The following RGMA variants were observed in gnomAD, a reference collection of about 807,000 sequenced individuals.
The protein encoded by RGMA is repulsive guidance molecule A.
RGMA carries 10 observed loss-of-function variants against 23.2 expected under a neutral mutation model. That is an observed-to-expected ratio of 0.43 (90% CI 0.27 to 0.73). The LOEUF is 0.73. RGMA is among the 30% of genes least tolerant of loss of function. The pLI is 0.20. For synonymous variants in RGMA, 308 were observed against 279.3 expected (o/e 1.10, Z -1.03); for missense variants, 547 against 630.5 (o/e 0.87, Z 1.42).
intron 1 of RGMA, among the ~76,000 whole-genome samples, chr15:93,075,098 T>C (rs1895450290): frequency 7.1e-6 from 1 of 141,334 alleles, no homozygotes; most frequent in African/African-American, 3.1e-5. Flanking sequence ...AGCAGGACTT[T>C]TTTTTTTTTT....
Position 93,038,999 on chromosome 15 carries a change from A to G in RGMA, c.*5999T>C, listed in dbSNP as rs1408841082. 1 of 152,168 alleles carries G rather than the reference A, an allele frequency of 6.6e-6. No individual in the cohort carries two copies. The highest frequency in any genetic ancestry group is 2.4e-5 in the African/African-American group (1 of 41,410). 9.4% of individuals were successfully genotyped at this position (152,168 alleles called of 1,614,324 possible). ...TGAGTCAGTGAACTGGGAGACAGAGACCCACGCTTAACCTGGGTGGGCACC... is the reference window on the plus strand; with the variant it reads ...TGAGTCAGTGAACTGGGAGACAGAGGCCCACGCTTAACCTGGGTGGGCACC... On this transcript the variant is annotated 3_prime_UTR_variant, in exon 4 of 4. Transcript: ENST00000329082.
intron 2 of RGMA, among the ~76,000 whole-genome samples, chr15:93,072,668 G>A (rs1330867278): frequency 6.6e-6 from 1 of 152,180 alleles, no homozygotes; most frequent in African/African-American, 2.4e-5. Context: ...AGGCACCCCG[G>A]CCCCTGCGCC....
chr15:93,049,346 C>T (rs1223630345), intron 3 of RGMA, among the ~76,000 whole-genome samples: 1 of 152,142 alleles, frequency 6.6e-6, no homozygotes, highest in Non-Finnish European at 1.5e-5. Context: ...GACAGGCTGG[C>T]AAGTGCTATG....
intron 3 of RGMA, among the ~76,000 whole-genome samples, chr15:93,047,907 C>CT (rs1448884568): frequency 1.3e-5 from 2 of 152,190 alleles, no homozygotes; most frequent in Non-Finnish European, 2.9e-5. Context: ...GCAGGGAAAC[C>CT]ACAGAAGGAC....
chr15:93,069,634 T>C (rs1046560394), intron 2 of RGMA, among the ~76,000 whole-genome samples: 2 of 152,226 alleles, frequency 1.3e-5, no homozygotes, highest in African/African-American at 4.8e-5. Context: ...AACTTGAGCA[T>C]GCATCAGAGC....
rs80323298 is a variant in RGMA, at chr15:93,075,825, TC to T, written c.15-2795del. Among the ~76,000 whole-genome samples, 1,249 of 152,096 alleles carry T rather than the reference TC, an allele frequency of 8.2e-3. 9 individuals are homozygous for T. Among genetic ancestry groups the T allele is most frequent in the Non-Finnish European group, 0.014 (920 of 67,994 alleles). Reference sequence around the variant, plus strand: ...GGAAAGGGGCACAAAAGGCTTTTTTTCCCCCCCTTTCTTGAGGAGAAATGTC... The same window carrying T: ...GGAAAGGGGCACAAAAGGCTTTTTTTCCCCCCTTTCTTGAGGAGAAATGTC... On this transcript the variant is annotated intron_variant, in intron 1 of 3. Coordinates refer to ENST00000329082, the MANE Select transcript of RGMA (RefSeq NM_020211.3).
chr15:93,059,253 C>T (rs1332810182), intron 2 of RGMA, among the ~76,000 whole-genome samples: 9 of 152,198 alleles, frequency 5.9e-5, no homozygotes, highest in Admixed American at 2.6e-4. Flanking sequence ...TCCTATGCAG[C>T]CGCAGACCCA....
At position 93,038,695 on chromosome 15, in the gene RGMA, C is replaced by A. The variant is rs945922115; in HGVS notation, c.*6303G>T. 2 of 151,714 alleles carry A rather than the reference C, an allele frequency of 1.3e-5. No individual in the cohort carries two copies. The highest frequency in any genetic ancestry group is 4.9e-5 in the African/African-American group (2 of 41,236). 9.4% of individuals were successfully genotyped at this position (151,714 alleles called of 1,614,324 possible). A position where few individuals can be genotyped will look rare whatever the true frequency, so the allele number is the denominator to read the frequency against. The stretch of plus-strand genomic sequence containing the variant: ...GTTCACGCCACTCTCTTGCCTCAGC[C>A]TCCCGAGTAGCTGGGACTACAGGCG... On this transcript the variant is annotated 3_prime_UTR_variant, in exon 4 of 4. Coordinates refer to ENST00000329082, the MANE Select transcript of RGMA (RefSeq NM_020211.3).
In RGMA at chr15:93,072,962, C is replaced by T. The variant is rs1186870577; in HGVS notation, c.84G>A (p.Leu28=). 6 of 1,611,266 alleles carry T rather than the reference C, an allele frequency of 3.7e-6. No homozygotes were observed. The highest frequency in any genetic ancestry group is 5.1e-6 in the Non-Finnish European group (6 of 1,179,062). Reference sequence around the variant, plus strand: ...GGAAGGCGAGGGTCGGCCAGAATCCCAGGGCTGAACGTCCTGCCCCTCTCC... The same window carrying T: ...GGAAGGCGAGGGTCGGCCAGAATCCTAGGGCTGAACGTCCTGCCCCTCTCC... ...GMGRGAGRSA[L]GFWPTLAFLL... is the part of the protein sequence containing the mutation. Residue 28 remains leucine (L), a synonymous_variant, in exon 2 of 4, where the codon CTG becomes CTA. Transcript: ENST00000329082.
At chr15:93,063,807 G>A (rs1359143361) in intron 2 of RGMA, among the ~76,000 whole-genome samples, 2 of 152,214 alleles carry the variant, frequency 1.3e-5, no homozygotes, top group African/African-American at 4.8e-5. Flanking sequence ...GAAAGAGGGA[G>A]CTTCTCAGGG....
intron 2 of RGMA, among the ~76,000 whole-genome samples, chr15:93,055,028 C>T (rs1039578046): frequency 2.6e-5 from 4 of 152,176 alleles, no homozygotes; most frequent in Non-Finnish European, 5.9e-5. Flanking sequence ...ACCCAGCACA[C>T]AGGAACTGAC....
At position 93,080,889 on chromosome 15, in the gene RGMA, G is replaced by T. The variant is rs62045491; in HGVS notation, c.15-7858C>A. Reference sequence around the variant, plus strand: ...TGGGGTATAACTACACTTTCTTAATGAAAGTCTCCCCCCGACCACCGCTTT... The same window carrying T: ...TGGGGTATAACTACACTTTCTTAATTAAAGTCTCCCCCCGACCACCGCTTT... On this transcript the variant is annotated intron_variant, in intron 1 of 3. Transcript: ENST00000329082. Among the ~76,000 whole-genome samples, 1,005 of 151,928 alleles carry T rather than the reference G, an allele frequency of 6.6e-3. 4 individuals carry two copies. The highest frequency in any genetic ancestry group is 0.011 in the Non-Finnish European group (772 of 67,974).
At chr15:93,084,090 C>T (rs1385255044) in intron 1 of RGMA, among the ~76,000 whole-genome samples, 1 of 152,192 alleles carries the variant, frequency 6.6e-6, no homozygotes, top group Non-Finnish European at 1.5e-5. Context: ...AACCCTGTAA[C>T]TTTTTACGAT....
At chr15:93,058,852 G>A (rs979222055) in intron 2 of RGMA, among the ~76,000 whole-genome samples, 5 of 152,160 alleles carry the variant, frequency 3.3e-5, no homozygotes, top group Non-Finnish European at 5.9e-5. Context: ...TGTCTTGGGG[G>A]CCTCACTGGG....
rs1212995625 is a variant in RGMA, at chr15:93,051,979, C to T, written c.645+14G>A. Reference sequence around the variant, plus strand: ...GGGCAGGGCTGTGCCCTACAGCCGCCCCCTCCCCCTTACCTTGCTGGTGGC... The same window carrying T: ...GGGCAGGGCTGTGCCCTACAGCCGCTCCCTCCCCCTTACCTTGCTGGTGGC... On this transcript the variant is annotated intron_variant, in intron 3 of 3. Coordinates refer to ENST00000329082, the MANE Select transcript of RGMA (RefSeq NM_020211.3). 1.9e-6 allele frequency: 3 copies of T among 1,581,868 alleles called. No homozygotes were observed. The highest frequency in any genetic ancestry group is 2.6e-6 in the Non-Finnish European group (3 of 1,166,256).
chr15:93,045,370 G>A lies in RGMA; in HGVS notation c.981C>T (p.Phe327=). ...RGCPLNQQID[F]QAFHTNAEGT... is the part of the protein sequence containing the mutation. ...CCTCAGCATTGGTGTGGAAGGCCTG[G>A]AAGTCGATCTGCTGGTTGAGGGGGC... The change falls in exon 4 of 4, where the codon TTC becomes TTT. Residue 327 remains phenylalanine (F), a synonymous_variant. Coordinates refer to ENST00000329082, the MANE Select transcript of RGMA (RefSeq NM_020211.3). The surrounding 1 kb of genome is among the most constrained non-coding windows in gnomAD (Gnocchi z 6.9). The A allele has an allele frequency of 6.2e-7, 1 of 1,612,410 alleles. No homozygotes were observed. The highest frequency in any genetic ancestry group is 8.5e-7 in the Non-Finnish European group (1 of 1,179,626).
At position 93,044,209 on chromosome 15, in the gene RGMA, G is replaced by C. The variant is rs555726097; in HGVS notation, c.*789C>G. 1 of 152,332 alleles carries C rather than the reference G, an allele frequency of 6.6e-6. No homozygotes were observed. Among genetic ancestry groups the C allele is most frequent in the Non-Finnish European group, 1.5e-5 (1 of 68,106 alleles). The allele number at this position is 152,332 out of a possible 1,614,324, so 9.4% of individuals were successfully genotyped here. On this transcript the variant is annotated 3_prime_UTR_variant, in exon 4 of 4. Coordinates refer to ENST00000329082, the MANE Select transcript of RGMA (RefSeq NM_020211.3). ...CAGGAGCTCTTGCATCTGCAGGAGAGAGAGGAACAGAAGTCAAGGATCTCT... is the reference window on the plus strand; with the variant it reads ...CAGGAGCTCTTGCATCTGCAGGAGACAGAGGAACAGAAGTCAAGGATCTCT...
intron 2 of RGMA, among the ~76,000 whole-genome samples, chr15:93,054,687 G>C (rs1245279533): frequency 6.6e-6 from 1 of 152,172 alleles, no homozygotes; most frequent in Non-Finnish European, 1.5e-5. Flanking sequence ...TTTATCAGCA[G>C]TGTGAAAACA....
rs1439721732 is a variant in RGMA at position 93,077,849 on chromosome 15, A to G, written c.15-4818T>C. Reference sequence around the variant, plus strand: ...CAGCCTCCTGAGCTGCTGGGATTACAGGCACACGCCACCACACCCGGCTAA... The same window carrying G: ...CAGCCTCCTGAGCTGCTGGGATTACGGGCACACGCCACCACACCCGGCTAA... On this transcript the variant is annotated intron_variant, in intron 1 of 3. Transcript: ENST00000329082. Among the ~76,000 whole-genome samples the G allele has an allele frequency of 2.0e-5, 3 of 152,220 alleles. No individual in the cohort carries two copies. In the East Asian group the frequency reaches 5.8e-4, roughly 29 times the overall value.
Sources: allele counts gnomAD v4.1 joint callset (sites outside exome capture counted in the v4.1 genomes callset), GRCh38; gene constraint gnomAD v4.1.1; non-coding constraint Gnocchi (gnomAD v3.1); transcripts MANE v1.5; gene names NCBI Gene and HGNC (gene_info 2026-07-23, HGNC 2026-07-21).